The following INPP1 variants were observed in gnomAD, a reference collection of about 807,000 sequenced individuals.
The protein encoded by INPP1 is inositol polyphosphate-1-phosphatase.
A neutral mutation model predicts 23.0 loss-of-function variants in INPP1; 18 were observed. The ratio of observed to expected loss-of-function variants is 0.78; its 90% confidence interval spans 0.54 to 1.16. INPP1 has a LOEUF of 1.16. INPP1 is among the 50% of genes most tolerant of loss of function. INPP1 has a pLI of 0.00. For synonymous variants in INPP1, 164 were observed against 176.3 expected (o/e 0.93, Z 0.55); for missense variants, 448 against 482.1 (o/e 0.93, Z 0.66).
rs1403216733 is a variant in INPP1, at chr2:190,355,069, C to T, written c.-64-4970C>T. On this transcript the variant is annotated intron_variant, in intron 2 of 6. Coordinates refer to ENST00000392329, the MANE Select transcript of INPP1 (RefSeq NM_001128928.2). The surrounding 1 kb of genome is among the most constrained non-coding windows in gnomAD (Gnocchi z 5.1). ...ACAATTGATGAAAAGATTTCACTGG[C>T]TAGAGTACTGGTCAACAGTGGGGGC... Among the ~76,000 whole-genome samples the T allele has an allele frequency of 2.6e-5, 4 of 151,944 alleles. No individual in the cohort carries two copies. The highest frequency in any genetic ancestry group is 9.7e-5 in the African/African-American group (4 of 41,348).
intron 2 of INPP1, among the ~76,000 whole-genome samples, chr2:190,358,072 A>ATTTTTTTTTTTTTTTTTTTTTTTTTT (rs749071988): frequency 9.0e-6 from 1 of 111,400 alleles, no homozygotes; most frequent in Non-Finnish European, 1.8e-5. Context: ...CATTAAGGGA[A>ATTTTTTTTTTTTTTTTTTTTTTTTTT]TTTTTTTTTT....
intron 2 of INPP1, among the ~76,000 whole-genome samples, chr2:190,349,702 A>G (rs911118220): frequency 1.9e-4 from 29 of 151,878 alleles, no homozygotes; most frequent in Admixed American, 1.4e-3. Flanking sequence ...CTCTTAGCAT[A>G]CAAAAACTTA....
At position 190,364,410 on chromosome 2, in the gene INPP1, C is replaced by T. The variant is rs184349179; in HGVS notation, c.265+1723C>T. On this transcript the variant is annotated intron_variant, in intron 4 of 6. Coordinates refer to ENST00000392329, the MANE Select transcript of INPP1 (RefSeq NM_001128928.2). ...CAAAAAAATTAGCCGGGCGTGGTGG[C>T]GGGCGCCTGTAGTCCCAGATACTCA... is the stretch of plus-strand genomic sequence containing the variant. 6.6e-3 allele frequency among the ~76,000 whole-genome samples: 1,001 copies of T among 151,724 alleles called. 13 individuals are homozygous for T. Among genetic ancestry groups the T allele is most frequent in the African/African-American group, 0.022 (901 of 41,428 alleles).
At chr2:190,344,030 TG>T (rs1333850188) in intron 1 of INPP1, 69 bp downstream of exon 1, 2 of 335,758 alleles carry the variant, frequency 6.0e-6, no homozygotes, top group South Asian at 2.2e-5. Context: ...TCCTTGGATC[TG>T]GGGCCCGGGC....
At chr2:190,360,010 TTC>T in intron 2 of INPP1, 27 bp from the exon 3 acceptor site, 12 of 1,329,648 alleles carry the variant, frequency 9.0e-6, no homozygotes, top group Non-Finnish European at 1.1e-5. Flanking sequence ...CTGAACTGCT[TTC>T]TCTTTCACAT....
rs1285690536 is a variant in INPP1 at position 190,354,730 on chromosome 2, T to C, written c.-64-5309T>C. ...AAACTAACACCAGAAGAATTAGGTATTGGGCATGCCCCCTGCCATCAATGC... is the reference window on the plus strand; with the variant it reads ...AAACTAACACCAGAAGAATTAGGTACTGGGCATGCCCCCTGCCATCAATGC... On this transcript the variant is annotated intron_variant, in intron 2 of 6. Coordinates refer to ENST00000392329, the MANE Select transcript of INPP1 (RefSeq NM_001128928.2). This position sits in a 1 kb window ranked among gnomAD's most constrained non-coding sequence, Gnocchi z 4.8. Among the ~76,000 whole-genome samples the C allele has an allele frequency of 6.6e-6, 1 of 152,218 alleles. No individual in the cohort carries two copies. The highest frequency in any genetic ancestry group is 1.5e-5 in the Non-Finnish European group (1 of 68,036).
Position 190,345,985 on chromosome 2 carries a change from C to G in INPP1, c.-209+2024C>G, listed in dbSNP as rs191343931. 5.7e-4 allele frequency among the ~76,000 whole-genome samples: 87 copies of G among 152,190 alleles called. No individual in the cohort carries two copies. The highest frequency in any genetic ancestry group is 1.0e-3 in the South Asian group (5 of 4,810). On this transcript the variant is annotated intron_variant, in intron 1 of 6. Coordinates refer to ENST00000392329, the MANE Select transcript of INPP1 (RefSeq NM_001128928.2). The surrounding 1 kb of genome is among the most constrained non-coding windows in gnomAD (Gnocchi z 4.9). Reference sequence around the variant, plus strand: ...CTCCAGCCTGGGCGACAAAGCAAGACTTCATCTCAAAAAATAAAAATTAAG... The same window carrying G: ...CTCCAGCCTGGGCGACAAAGCAAGAGTTCATCTCAAAAAATAAAAATTAAG...
At chr2:190,344,373 T>G (rs758714160) in intron 1 of INPP1, among the ~76,000 whole-genome samples, 1 of 152,238 alleles carries the variant, frequency 6.6e-6, no homozygotes, top group African/African-American at 2.4e-5. Flanking sequence ...GTGGCCCAGC[T>G]GCAACAGGTA....
Position 190,366,103 on chromosome 2 carries a change from A to T in INPP1, c.266-592A>T, listed in dbSNP as rs111209306. 8.7e-3 allele frequency among the ~76,000 whole-genome samples: 850 copies of T among 98,168 alleles called. 12 individuals are homozygous for T. The highest frequency in any genetic ancestry group is 0.031 in the African/African-American group (816 of 26,228). The allele number at this position is 98,168 out of a possible 152,430, so 64.4% of individuals were successfully genotyped here. ...TCTGTCTCTCTCAGTCTCTCCCTGA[A>T]TCTCTCGCTCTCTGTCTCGCTCTGT... On this transcript the variant is annotated intron_variant, in intron 4 of 6. Transcript: ENST00000392329.
At chr2:190,364,555 A>ATTTTT (rs757559467) in intron 4 of INPP1, among the ~76,000 whole-genome samples, 1 of 136,434 alleles carries the variant, frequency 7.3e-6, no homozygotes, top group Non-Finnish European at 1.5e-5. Flanking sequence ...AAAAAAAAAA[A>ATTTTT]TTTCAGTAGG....
At chr2:190,353,790 C>A (rs140112861) in intron 2 of INPP1, among the ~76,000 whole-genome samples, 4 of 152,308 alleles carry the variant, frequency 2.6e-5, no homozygotes, top group African/African-American at 9.6e-5. Context: ...TAGTTTATCC[C>A]ATCTGAAATA....
At chr2:190,364,504 T>C (rs1004450164) in intron 4 of INPP1, among the ~76,000 whole-genome samples, 1 of 147,892 alleles carries the variant, frequency 6.8e-6, no homozygotes, top group Non-Finnish European at 1.5e-5. Context: ...ATCGCACCAC[T>C]GCACTCCAGC....
At chr2:190,369,049 G>A in intron 5 of INPP1, 54 bp from the exon 6 acceptor site, 1 of 1,105,244 alleles carries the variant, frequency 9.0e-7, no homozygotes, top group Non-Finnish European at 1.3e-6. Flanking sequence ...ATATGGAACA[G>A]AGTCTTCTAA....
At chr2:190,360,647 C>G (rs922047316) in intron 3 of INPP1, among the ~76,000 whole-genome samples, 2 of 152,130 alleles carry the variant, frequency 1.3e-5, no homozygotes, top group South Asian at 2.1e-4. Flanking sequence ...AAATAAGAAC[C>G]CTCTTAGTCC....
At chr2:190,359,872 G>A (rs1167892733) in intron 2 of INPP1, 167 bp from the exon 3 acceptor site, 1 of 449,150 alleles carries the variant, frequency 2.2e-6, no homozygotes, top group African/African-American at 2.0e-5. Context: ...AGCTTCAAAT[G>A]TTAGATTGTA....
At position 190,364,225 on chromosome 2, in the gene INPP1, C is replaced by T. The variant is rs528599568; in HGVS notation, c.265+1538C>T. Among the ~76,000 whole-genome samples the T allele has an allele frequency of 4.6e-5, 7 of 152,246 alleles. No homozygotes were observed. The South Asian group carries it at 1.2e-3, about 27-fold the overall frequency. On this transcript the variant is annotated intron_variant, in intron 4 of 6. Coordinates refer to ENST00000392329, the MANE Select transcript of INPP1 (RefSeq NM_001128928.2). ...TCCCACACTTTACTGGTCATGTAAT[C>T]GCCTCAGGATCTTGGTTAAAATTCA...
intron 1 of INPP1, among the ~76,000 whole-genome samples, chr2:190,348,634 T>C (rs1025834203): frequency 6.6e-6 from 1 of 152,238 alleles, no homozygotes; most frequent in African/African-American, 2.4e-5. Context: ...AGTGGAATCA[T>C]AGAGTATTTG....
At position 190,343,621 on chromosome 2, in the gene INPP1, G is replaced by A. The variant is rs1372054; in HGVS notation, c.-549G>A. On this transcript the variant is annotated 5_prime_UTR_variant, in exon 1 of 7. Transcript: ENST00000392329. ...ACGTCGCGGACGCCCGGCTCGGGCA[G>A]GCGTGGGGGGCCCGCGCGTCCCGGG... 99,690 of 152,096 alleles carry A rather than the reference G, an allele frequency of 0.66. 33,593 individuals are homozygous for A. Among genetic ancestry groups the A allele is most frequent in the South Asian group, 0.73 (3,529 of 4,828 alleles). 9.4% of individuals were successfully genotyped at this position (152,096 alleles called of 1,614,324 possible). A position where few individuals can be genotyped will look rare whatever the true frequency, so the allele number is the denominator to read the frequency against.
rs562810000 is a variant in INPP1, at chr2:190,348,138, A to AAAAAC, written c.-208-723_-208-719dup. Among the ~76,000 whole-genome samples the AAAAAC allele has an allele frequency of 5.0e-3, 768 of 152,286 alleles. 2 individuals carry two copies. The highest frequency in any genetic ancestry group is 0.012 in the South Asian group (60 of 4,826). ...GGGCAACAGAGCGAGACTCTGTCTC[A>AAAAAC]AAAACAAAACAAAACAAAACAAAAC... On this transcript the variant is annotated intron_variant, in intron 1 of 6. Transcript: ENST00000392329.
Sources: gnomAD v4.1 joint callset for allele counts (sites outside exome capture counted in the v4.1 genomes callset) on GRCh38, gnomAD v4.1.1 for gene constraint, Gnocchi (gnomAD v3.1) non-coding constraint, MANE v1.5 for transcripts, NCBI Gene and HGNC (gene_info 2026-07-23, HGNC 2026-07-21) for gene names.